SPAG16: variants seen among roughly 807,000 people sequenced by gnomAD.
SPAG16 encodes sperm associated antigen 16, also known as sperm-associated antigen 16 protein.
SPAG16 carries 86 observed loss-of-function variants against 80.4 expected under a neutral mutation model. The observed-to-expected ratio is 1.07, with a 90% CI of 0.90 to 1.28. The LOEUF is 1.28. SPAG16 is among the 50% of genes most tolerant of loss of function. The pLI is 0.00. For missense variants in SPAG16, 870 were observed against 765.3 expected, an observed-to-expected ratio of 1.14 and a Z score of -1.61; for synonymous variants, 294 against 265.9, an observed-to-expected ratio of 1.11 and a Z score of -1.03.
intron 15 of SPAG16, among the ~76,000 whole-genome samples, chr2:214,319,449 A>G (rs1431649088): frequency 6.6e-6 from 1 of 152,020 alleles, no homozygotes; most frequent in Non-Finnish European, 1.5e-5. Context: ...AATAAAATAA[A>G]GAAGTGATAA....
intron 14 of SPAG16, among the ~76,000 whole-genome samples, chr2:214,137,793 T>C (rs1363802965): frequency 3.2e-5 from 3 of 93,824 alleles, no homozygotes; most frequent in African/African-American, 1.2e-4. Flanking sequence ...CCTATAAATA[T>C]TGAGCATATG....
intron 13 of SPAG16, among the ~76,000 whole-genome samples, chr2:214,097,307 A>G (rs2052655703): frequency 6.6e-6 from 1 of 152,072 alleles, no homozygotes; most frequent in South Asian, 2.1e-4. Flanking sequence ...ATAATGACAC[A>G]ATATGATTCT....
At chr2:213,626,916 G>A (rs1219002230) in intron 10 of SPAG16, among the ~76,000 whole-genome samples, 3 of 151,938 alleles carry the variant, frequency 2.0e-5, no homozygotes, top group African/African-American at 7.2e-5. Context: ...CCAAAGTGCT[G>A]GTATTACAGG....
At chr2:213,446,543 A>C (rs1317440284) in intron 9 of SPAG16, among the ~76,000 whole-genome samples, 1 of 152,220 alleles carries the variant, frequency 6.6e-6, no homozygotes, top group Non-Finnish European at 1.5e-5. Flanking sequence ...AATAAAGTAA[A>C]AAGAATTTTA....
intron 9 of SPAG16, among the ~76,000 whole-genome samples, chr2:213,375,718 T>A (rs1403901731): frequency 6.6e-6 from 1 of 151,994 alleles, no homozygotes; most frequent in Non-Finnish European, 1.5e-5. Flanking sequence ...GCTCAGGTAA[T>A]GGATTTTCTT....
At chr2:214,216,331 T>C (rs549880054) in intron 15 of SPAG16, among the ~76,000 whole-genome samples, 7 of 152,220 alleles carry the variant, frequency 4.6e-5, no homozygotes, top group East Asian at 1.9e-4. Context: ...ATGATGATGA[T>C]GACGATGATG....
chr2:213,933,641 G>A (rs921416165), intron 12 of SPAG16, among the ~76,000 whole-genome samples: 1 of 152,170 alleles, frequency 6.6e-6, no homozygotes, highest in African/African-American at 2.4e-5. Flanking sequence ...AGAATTGGGT[G>A]GTTTGTACCA....
chr2:214,341,834 C>A lies in SPAG16; in HGVS notation c.1721-68306C>A, dbSNP rs189094032. On this transcript the variant is annotated intron_variant, in intron 15 of 15. Coordinates refer to ENST00000331683, the MANE Select transcript of SPAG16 (RefSeq NM_024532.5). ...AATTAAACAGGAAACTAGAAAACAA[C>A]TGACTCATTCCAGGATGGCAATGAA... is the stretch of plus-strand genomic sequence containing the variant. Among the ~76,000 whole-genome samples, 1,350 of 152,262 alleles carry A rather than the reference C, an allele frequency of 8.9e-3. 9 individuals are homozygous for A. Among genetic ancestry groups the A allele is most frequent in the Non-Finnish European group, 0.015 (1,044 of 68,022 alleles).
At chr2:214,285,775 C>T (rs1437942445) in intron 15 of SPAG16, among the ~76,000 whole-genome samples, 1 of 152,020 alleles carries the variant, frequency 6.6e-6, no homozygotes, top group Admixed American at 6.6e-5. Flanking sequence ...TACACTCCAG[C>T]CCTGGCGATA....
chr2:213,747,737 C>T (rs1026243115), intron 10 of SPAG16, among the ~76,000 whole-genome samples: 17 of 152,088 alleles, frequency 1.1e-4, no homozygotes, highest in Non-Finnish European at 5.9e-5. Flanking sequence ...CAATGATGTT[C>T]GAAGAAGGAT....
intron 11 of SPAG16, among the ~76,000 whole-genome samples, chr2:213,909,368 A>T (rs1441845036): frequency 6.6e-6 from 1 of 152,214 alleles, no homozygotes; most frequent in African/African-American, 2.4e-5. Context: ...CAGAATTGGA[A>T]AAAACTACTT....
chr2:213,989,441 TC>T (rs1449171235), intron 12 of SPAG16, among the ~76,000 whole-genome samples: 1 of 152,128 alleles, frequency 6.6e-6, no homozygotes, highest in African/African-American at 2.4e-5. Flanking sequence ...TGGTGCGTTA[TC>T]ATGGGGTTTT....
At chr2:213,423,733 T>C (rs544854509) in intron 9 of SPAG16, among the ~76,000 whole-genome samples, 1 of 151,818 alleles carries the variant, frequency 6.6e-6, no homozygotes, top group South Asian at 2.1e-4. Flanking sequence ...TCTCATTTTT[T>C]AGGTAAAAAT....
chr2:214,086,960 A>C (rs973198797), intron 13 of SPAG16, among the ~76,000 whole-genome samples: 1 of 152,180 alleles, frequency 6.6e-6, no homozygotes, highest in African/African-American at 2.4e-5. Context: ...CAACTCATTG[A>C]TGTCAAGTAG....
intron 15 of SPAG16, among the ~76,000 whole-genome samples, chr2:214,338,943 GT>G (rs1344377795): frequency 1.3e-5 from 2 of 152,128 alleles, no homozygotes; most frequent in Admixed American, 6.5e-5. Flanking sequence ...CCAGTTCAAT[GT>G]TTTATTAACA....
rs1412339504 is a variant in SPAG16, at chr2:214,410,332, C to T, written c.*17C>T. 4 of 1,576,772 alleles carry T rather than the reference C, an allele frequency of 2.5e-6. No individual in the cohort carries two copies. The highest frequency in any genetic ancestry group is 3.5e-6 in the Non-Finnish European group (4 of 1,153,042). ...TGGTCTTGACCGTCAGCACATCCCG[C>T]TGCAGAGGGCATTCCCTTTAAGGCT... On this transcript the variant is annotated 3_prime_UTR_variant, in exon 16 of 16. Coordinates refer to ENST00000331683, the MANE Select transcript of SPAG16 (RefSeq NM_024532.5).
intron 13 of SPAG16, among the ~76,000 whole-genome samples, chr2:214,067,598 G>T (rs1034532966): frequency 6.6e-6 from 1 of 151,564 alleles, no homozygotes; most frequent in East Asian, 1.9e-4. Context: ...GATAAGAAAA[G>T]GATTTTTAGG....
At chr2:213,398,883 TC>T (rs1434205091) in intron 9 of SPAG16, among the ~76,000 whole-genome samples, 1 of 152,186 alleles carries the variant, frequency 6.6e-6, no homozygotes, top group Admixed American at 6.5e-5. Context: ...ATAGTAATTA[TC>T]CCATAAATAT....
intron 3 of SPAG16, among the ~76,000 whole-genome samples, chr2:213,306,803 T>C (rs905488486): frequency 1.3e-5 from 2 of 152,196 alleles, no homozygotes; most frequent in Admixed American, 6.5e-5. Flanking sequence ...TTTCTCTCCA[T>C]GCCACTTGGC....
Sources: allele counts gnomAD v4.1 joint callset (sites outside exome capture counted in the v4.1 genomes callset), GRCh38; gene constraint gnomAD v4.1.1; transcripts MANE v1.5; gene names NCBI Gene and HGNC (gene_info 2026-07-23, HGNC 2026-07-21).